Variants in CDKAL1 observed in about 807,000 individuals in gnomAD.
CDKAL1 encodes CDKAL1 threonylcarbamoyladenosine tRNA methylthiotransferase, also known as threonylcarbamoyladenosine tRNA methylthiotransferase.
A neutral mutation model predicts 68.2 loss-of-function variants in CDKAL1; 32 were observed. The observed-to-expected ratio is 0.47, with a 90% CI of 0.35 to 0.63. CDKAL1 has a LOEUF of 0.63. CDKAL1 is among the 30% of genes least tolerant of loss of function. CDKAL1 has a pLI of 0.00. For synonymous variants in CDKAL1, 234 were observed against 244.3 expected, an observed-to-expected ratio of 0.96 and a Z score of 0.39; for missense variants, 606 against 696.7, an observed-to-expected ratio of 0.87 and a Z score of 1.47.
intron 9 of CDKAL1, among the ~76,000 whole-genome samples, chr6:20,875,256 G>A (rs1293717482): frequency 3.6e-5 from 5 of 138,760 alleles, no homozygotes; most frequent in Non-Finnish European, 1.5e-5. Flanking sequence ...CCGAGATTGC[G>A]CCACTGCAGT....
intron 13 of CDKAL1, among the ~76,000 whole-genome samples, chr6:21,125,185 C>T (rs1774935582): frequency 6.6e-6 from 1 of 152,104 alleles, no homozygotes. Flanking sequence ...GGGCAATTTC[C>T]CCTGTGCTAT....
chr6:20,734,563 T>C (rs1309778711), intron 5 of CDKAL1, among the ~76,000 whole-genome samples: 1 of 152,184 alleles, frequency 6.6e-6, no homozygotes, highest in Non-Finnish European at 1.5e-5. Context: ...TGTAAGAAGG[T>C]ACTGTTGAGA....
intron 5 of CDKAL1, among the ~76,000 whole-genome samples, chr6:20,689,650 C>T (rs980678986): frequency 6.6e-6 from 1 of 152,062 alleles, no homozygotes; most frequent in Non-Finnish European, 1.5e-5. Flanking sequence ...TATATAATTT[C>T]CACCTAGAGG....
chr6:21,043,081 C>T (rs1323281547), intron 11 of CDKAL1, among the ~76,000 whole-genome samples: 3 of 152,284 alleles, frequency 2.0e-5, no homozygotes, highest in East Asian at 3.9e-4. Flanking sequence ...ATGTTATTAT[C>T]ACTACCACAA....
chr6:20,775,642 C>T (rs530723106), intron 7 of CDKAL1, among the ~76,000 whole-genome samples: 1 of 152,306 alleles, frequency 6.6e-6, no homozygotes, highest in East Asian at 1.9e-4. Context: ...CCTTTTCTTT[C>T]CAAAGACTTG....
At chr6:21,057,908 T>C (rs926310602) in intron 11 of CDKAL1, among the ~76,000 whole-genome samples, 1 of 152,338 alleles carries the variant, frequency 6.6e-6, no homozygotes, top group East Asian at 1.9e-4. Flanking sequence ...CTTTTGCATT[T>C]GCTAAGGAAT....
At chr6:21,140,445 C>T (rs1775841211) in intron 13 of CDKAL1, among the ~76,000 whole-genome samples, 2 of 152,212 alleles carry the variant, frequency 1.3e-5, no homozygotes, top group African/African-American at 4.8e-5. Flanking sequence ...CTGCCTTGGG[C>T]ATCCCTTTAT....
intron 5 of CDKAL1, among the ~76,000 whole-genome samples, chr6:20,711,134 A>G (rs1771824956): frequency 1.3e-5 from 2 of 152,184 alleles, no homozygotes; most frequent in African/African-American, 4.8e-5. Flanking sequence ...GGAACAGGTA[A>G]AAAGCAAATA....
chr6:21,001,224 G>C (rs893917719), intron 11 of CDKAL1, among the ~76,000 whole-genome samples: 1 of 152,014 alleles, frequency 6.6e-6, no homozygotes, highest in Non-Finnish European at 1.5e-5. Context: ...TCTTAATTAA[G>C]ATACAACTTT....
chr6:20,782,302 C>A (rs1775464418), intron 8 of CDKAL1, among the ~76,000 whole-genome samples: 1 of 152,172 alleles, frequency 6.6e-6, no homozygotes, highest in Admixed American at 6.5e-5. Flanking sequence ...TTGTTGTAGA[C>A]CAGCATCTGG....
chr6:20,565,067 A>G (rs1325542704), intron 4 of CDKAL1, among the ~76,000 whole-genome samples: 1 of 152,120 alleles, frequency 6.6e-6, no homozygotes, highest in African/African-American at 2.4e-5. Flanking sequence ...TATACAGCCT[A>G]TTACATCCAA....
chr6:20,659,672 C>G (rs762996031), intron 5 of CDKAL1, among the ~76,000 whole-genome samples: 1 of 152,120 alleles, frequency 6.6e-6, no homozygotes, highest in Non-Finnish European at 1.5e-5. Flanking sequence ...AGGCTCCAGC[C>G]TTGTATATCC....
intron 15 of CDKAL1, among the ~76,000 whole-genome samples, chr6:21,207,105 G>A (rs764115414): frequency 6.6e-6 from 1 of 151,892 alleles, no homozygotes; most frequent in Non-Finnish European, 1.5e-5. Context: ...TAGAAACAGG[G>A]TTTCACCATG....
intron 11 of CDKAL1, among the ~76,000 whole-genome samples, chr6:21,002,993 A>C (rs1015585163): frequency 6.6e-6 from 1 of 151,942 alleles, no homozygotes; most frequent in East Asian, 1.9e-4. Context: ...ATCTCAAAAA[A>C]TAAAAAAGTG....
chr6:20,782,326 A>C (rs548867806), intron 8 of CDKAL1, among the ~76,000 whole-genome samples: 11 of 152,338 alleles, frequency 7.2e-5, no homozygotes, highest in Admixed American at 2.6e-4. Flanking sequence ...TCAGCGTTGA[A>C]GATTCAGAAA....
intron 9 of CDKAL1, among the ~76,000 whole-genome samples, chr6:20,943,831 G>A (rs898480798): frequency 1.3e-5 from 2 of 151,626 alleles, no homozygotes; most frequent in Admixed American, 1.3e-4. Flanking sequence ...ACTCAGTGGT[G>A]CATGCCTGTT....
At chr6:20,899,547 T>A (rs553116479) in intron 9 of CDKAL1, among the ~76,000 whole-genome samples, 145 of 152,170 alleles carry the variant, frequency 9.5e-4, no homozygotes, top group Non-Finnish European at 1.6e-3. Context: ...GTCATTAATT[T>A]TGTTTTTATT....
intron 12 of CDKAL1, among the ~76,000 whole-genome samples, chr6:21,092,653 C>G (rs1376198623): frequency 6.9e-6 from 1 of 145,382 alleles, no homozygotes; most frequent in Admixed American, 7.0e-5. Flanking sequence ...AGGACAGGAC[C>G]AAAGCAAACA....
At chr6:20,780,659 C>T (rs1163504550) in intron 7 of CDKAL1, among the ~76,000 whole-genome samples, 13 of 140,164 alleles carry the variant, frequency 9.3e-5, no homozygotes, top group African/African-American at 3.2e-4. Flanking sequence ...TGTTTTTTTT[C>T]ATTTCTTTTT....
Sources: allele counts gnomAD v4.1 joint callset (sites outside exome capture counted in the v4.1 genomes callset), GRCh38; gene constraint gnomAD v4.1.1; transcripts MANE v1.5; gene names NCBI Gene and HGNC (gene_info 2026-07-23, HGNC 2026-07-21).